Variants in DNMT3B observed in about 807,000 individuals in gnomAD.
The protein encoded by DNMT3B is DNA methyltransferase 3 beta.
Under a neutral mutation model 120.2 loss-of-function variants are expected in DNMT3B, and 37 were observed. That is an observed-to-expected ratio of 0.31 (90% CI 0.24 to 0.40). The LOEUF (loss-of-function observed/expected upper bound fraction) is 0.40, where lower values mean the gene tolerates loss of function less well. Among genes scored for constraint, DNMT3B ranks in the 10% least tolerant of loss-of-function variants. DNMT3B has a pLI of 1.00. For missense variants in DNMT3B, 878 were observed against 1,137.3 expected, an observed-to-expected ratio of 0.77 and a Z score of 3.28; for synonymous variants, 412 against 442.8, an observed-to-expected ratio of 0.93 and a Z score of 0.87.
chr20:32,804,684 CTT>C (rs537765800), intron 20 of DNMT3B, among the ~76,000 whole-genome samples: 418 of 112,640 alleles, frequency 3.7e-3, no homozygotes, highest in South Asian at 6.4e-3. Context: ...GGTGCTTAGT[CTT>C]TTTTTTTTTT....
chr20:32,766,646 G>A (rs1229075184), intron 1 of DNMT3B, among the ~76,000 whole-genome samples: 2 of 152,006 alleles, frequency 1.3e-5, no homozygotes, highest in Non-Finnish European at 2.9e-5. Context: ...AGGTTGGAGC[G>A]CAGTGGCGGT....
chr20:32,795,500 C>T lies in DNMT3B; in HGVS notation c.1218C>T (p.Asn406=), dbSNP rs875040. Residue 406 remains asparagine, a synonymous_variant, in exon 11 of 23, where the codon AAC becomes AAT. Transcript: ENST00000328111. ...GCCTCAAGACAAATTGCTATAACAA[C>T]GGCAAAGACCGAGGGGATGAAGATC... ...PKRLKTNCYN[N]GKDRGDEDQS... The T allele has an allele frequency of 8.4e-5, 136 of 1,614,178 alleles. No homozygotes were observed. In the African/African-American group the frequency reaches 8.8e-4, roughly 10 times the overall value.
chr20:32,803,860 A>G (rs1442958563), intron 20 of DNMT3B, among the ~76,000 whole-genome samples: 1 of 152,084 alleles, frequency 6.6e-6, no homozygotes, highest in African/African-American at 2.4e-5. Flanking sequence ...TTGGCATGGG[A>G]AGTTACAGAT....
Position 32,793,608 on chromosome 20 carries a change from T to A in DNMT3B, c.1126+13T>A. ...TCAAGGAAATACGGTATTTCCTTCC[T>A]GTCTTTTGACTGTGCCCTGTTTTCT... is the stretch of plus-strand genomic sequence containing the variant. On this transcript the variant is annotated intron_variant, in intron 10 of 22. Transcript: ENST00000328111. 6.2e-7 allele frequency: 1 copy of A among 1,613,914 alleles called. No homozygotes were observed. The highest frequency in any genetic ancestry group is 8.5e-7 in the Non-Finnish European group (1 of 1,179,808).
rs575147395 is a variant in DNMT3B at position 32,793,262 on chromosome 20, G to A, written c.1067-274G>A. On this transcript the variant is annotated intron_variant, in intron 9 of 22. Transcript: ENST00000328111. ...TAATCGCAGCACTCTGGGAGGCTGA[G>A]GCGAGTGGATCACTTGAGGCGATCA... 3.3e-5 allele frequency among the ~76,000 whole-genome samples: 5 copies of A among 152,178 alleles called. No homozygotes were observed. In the East Asian group the frequency reaches 9.6e-4, roughly 29 times the overall value.
intron 1 of DNMT3B, among the ~76,000 whole-genome samples, chr20:32,768,712 G>A (rs1238189111): frequency 1.3e-5 from 2 of 152,122 alleles, no homozygotes; most frequent in East Asian, 3.9e-4. Context: ...GAATGGGGAG[G>A]CACTAACTAG....
At chr20:32,780,074 T>C in intron 1 of DNMT3B, 6 of 1,609,128 alleles carry the variant, frequency 3.7e-6, no homozygotes, top group Non-Finnish European at 5.1e-6. Flanking sequence ...CCCCACTCTG[T>C]CCTGGGTGCT....
intron 1 of DNMT3B, 23 bp from the exon 2 acceptor site, chr20:32,780,294 CA>C: frequency 1.2e-6 from 2 of 1,613,826 alleles, no homozygotes; most frequent in Non-Finnish European, 1.7e-6. Context: ...CCTTTCACCC[CA>C]CCCATTCTGG....
intron 1 of DNMT3B, among the ~76,000 whole-genome samples, chr20:32,765,700 C>T (rs1477872953): frequency 1.3e-5 from 2 of 148,382 alleles, no homozygotes; most frequent in African/African-American, 5.0e-5. Flanking sequence ...GGATTGTAGG[C>T]GTGGCTGTTA....
intron 20 of DNMT3B, among the ~76,000 whole-genome samples, chr20:32,805,137 G>A (rs749359800): frequency 2.6e-5 from 4 of 152,146 alleles, no homozygotes; most frequent in Admixed American, 6.5e-5. Flanking sequence ...ATTACCTCCT[G>A]GATGCTGGGC....
rs1401642390 is a variant in DNMT3B at position 32,808,580 on chromosome 20, T to G, written c.*677T>G. ...ACGTCATCATCACATTCAGGGCTAT[T>G]TTTTCCCCCACAAACCCAAGGGCAG... On this transcript the variant is annotated 3_prime_UTR_variant, in exon 23 of 23. Transcript: ENST00000328111. 1 of 231,710 alleles carries G rather than the reference T, an allele frequency of 4.3e-6. No individual in the cohort carries two copies. Among genetic ancestry groups the G allele is most frequent in the Non-Finnish European group, 8.5e-6 (1 of 117,128 alleles). 14.4% of individuals were successfully genotyped at this position (231,710 alleles called of 1,614,324 possible).
In DNMT3B at chr20:32,787,222, G is replaced by A; in HGVS notation, c.433-8G>A. ...TCTGGCCCAAACTATGTGTCCTTCT[G>A]TCCACAGTCCCTGAGACGGCGGGCA... On this transcript the variant is annotated splice_region_variant and splice_polypyrimidine_tract_variant and intron_variant, in intron 5 of 22. Transcript: ENST00000328111. The A allele has an allele frequency of 3.1e-6, 5 of 1,614,210 alleles. No homozygotes were observed. In the South Asian group the frequency reaches 5.5e-5, roughly 18 times the overall value.
chr20:32,793,574 A>C lies in DNMT3B; in HGVS notation c.1105A>C (p.Lys369Gln), dbSNP rs780723199. The change falls in exon 10 of 23, where the codon AAA becomes CAA. Residue 369 changes from lysine (K) to glutamine (Q), a missense_variant. By Grantham distance (53) the Lys-to-Gln change is moderately conservative (BLOSUM62 1). Coordinates refer to ENST00000328111, the MANE Select transcript of DNMT3B (RefSeq NM_006892.4). ...GAAGGTGCGTCGTGCAGGCAGTAGG[A>C]AATTAGAATCAAGGAAATACGGTAT... ...KSKVRRAGSR[K>Q]LESRKYENKT... The C allele has an allele frequency of 6.8e-6, 11 of 1,613,896 alleles. No homozygotes were observed. The highest frequency in any genetic ancestry group is 8.5e-7 in the Non-Finnish European group (1 of 1,179,996).
intron 7 of DNMT3B, 124 bp from the exon 8 acceptor site, chr20:32,791,477 C>G: frequency 1.1e-6 from 1 of 922,884 alleles, no homozygotes; most frequent in Non-Finnish European, 1.7e-6. Flanking sequence ...TGGACTTTAT[C>G]CCCAGGAATG....
rs900799183 is a variant in DNMT3B at position 32,795,595 on chromosome 20, T to C, written c.1253-55T>C. 9 of 1,613,944 alleles carry C rather than the reference T, an allele frequency of 5.6e-6. No homozygotes were observed. The African/African-American group carries it at 1.2e-4, about 22-fold the overall frequency. The stretch of plus-strand genomic sequence containing the variant: ...GGAGGAGGACGCTGCAGATCAGGAA[T>C]TGATCTGTACCCGGCTCCCTGACCT... On this transcript the variant is annotated intron_variant, in intron 11 of 22. Transcript: ENST00000328111.
chr20:32,789,087 C>T, intron 7 of DNMT3B, 75 bp downstream of exon 7: 2 of 1,589,712 alleles, frequency 1.3e-6, no homozygotes, highest in Non-Finnish European at 1.7e-6. Flanking sequence ...AGACAAAGGC[C>T]TGGGATTGTA....
chr20:32,776,760 A>G (rs1988091690), intron 1 of DNMT3B, among the ~76,000 whole-genome samples: 2 of 152,220 alleles, frequency 1.3e-5, no homozygotes, highest in Non-Finnish European at 2.9e-5. Flanking sequence ...ATATATTTAT[A>G]TATGTGGGAA....
In DNMT3B at chr20:32,780,393, A is replaced by T. The variant is rs752677666; in HGVS notation, c.70A>T (p.Asn24Tyr). The T allele has an allele frequency of 5.6e-6, 9 of 1,613,808 alleles. No homozygotes were observed. Among genetic ancestry groups the T allele is most frequent in the Non-Finnish European group, 7.6e-6 (9 of 1,180,002 alleles). Residue 24 changes from asparagine (N) to tyrosine (Y), a missense_variant, in exon 2 of 23, where the codon AAC becomes TAC. By Grantham distance (143) the Asn-to-Tyr change is moderately radical. Coordinates refer to ENST00000328111, the MANE Select transcript of DNMT3B (RefSeq NM_006892.4). ...AGGREDSILV[N>Y]GACSDQSSDS... ...CGGGAGGGAAGACTCGATCCTCGTC[A>T]ACGGGGCCTGCAGCGACCAGTCCTC...
intron 5 of DNMT3B, 48 bp from the exon 6 acceptor site, chr20:32,787,182 A>G: frequency 6.2e-7 from 1 of 1,612,530 alleles, no homozygotes; most frequent in Non-Finnish European, 8.5e-7. Context: ...GTCTCTGGTC[A>G]CCGACATCCT....
Sources: allele counts gnomAD v4.1 joint callset (sites outside exome capture counted in the v4.1 genomes callset), GRCh38; gene constraint gnomAD v4.1.1; transcripts MANE v1.5; gene names NCBI Gene and HGNC (gene_info 2026-07-23, HGNC 2026-07-21).